Variants in WWOX observed in about 807,000 individuals in gnomAD.
WWOX encodes the protein WW domain containing oxidoreductase, also known as WW domain-containing oxidoreductase.
In WWOX, 69 loss-of-function variants were observed where a neutral mutation model predicts 46.2. The ratio of observed to expected loss-of-function variants is 1.49; its 90% CI spans 1.23 to 1.82. WWOX has a LOEUF of 1.82. Among genes scored for constraint, WWOX ranks in the 40% most tolerant of loss-of-function variants. WWOX has a pLI of 0.00. For missense variants in WWOX, 919 were observed against 542.6 expected (o/e 1.69, Z -6.89); for synonymous variants, 359 against 202.6 (o/e 1.77, Z -6.56).
intron 5 of WWOX, among the ~76,000 whole-genome samples, chr16:78,244,761 G>T (rs1269605271): frequency 6.6e-6 from 1 of 152,120 alleles, no homozygotes; most frequent in Non-Finnish European, 1.5e-5. Context: ...AAGTAGGCGG[G>T]CCCGAAATGT....
intron 5 of WWOX, among the ~76,000 whole-genome samples, chr16:78,187,262 A>T (rs962264256): frequency 5.3e-5 from 8 of 152,190 alleles, no homozygotes; most frequent in South Asian, 2.1e-4. Context: ...AGTTATGCCA[A>T]ACTTTGCAAG....
At chr16:78,752,841 C>T (rs1321555221) in intron 8 of WWOX, among the ~76,000 whole-genome samples, 1 of 152,186 alleles carries the variant, frequency 6.6e-6, no homozygotes, top group Admixed American at 6.5e-5. Flanking sequence ...CCTAGCTGGC[C>T]AGGAATTCCA....
At chr16:78,618,907 C>T (rs138566982) in intron 8 of WWOX, among the ~76,000 whole-genome samples, 75 of 150,956 alleles carry the variant, frequency 5.0e-4, no homozygotes, top group African/African-American at 1.8e-3. Flanking sequence ...AAGTAGGAGG[C>T]CTTGGAGTCA....
intron 6 of WWOX, among the ~76,000 whole-genome samples, chr16:78,387,465 T>C (rs2082083831): frequency 6.6e-6 from 1 of 152,142 alleles, no homozygotes; most frequent in Non-Finnish European, 1.5e-5. Context: ...TTCATCCTTT[T>C]CAGTCTTTCA....
intron 8 of WWOX, among the ~76,000 whole-genome samples, chr16:78,837,773 A>C (rs2052029615): frequency 6.6e-6 from 1 of 152,192 alleles, no homozygotes. Flanking sequence ...CCATCTATCT[A>C]TACTTCCTAG....
rs1307003419 is a variant in WWOX, at chr16:78,709,345, A to G, written c.1056+276593A>G. Among the ~76,000 whole-genome samples the G allele has an allele frequency of 5.3e-5, 8 of 152,194 alleles. No individual in the cohort carries two copies. The East Asian group carries it at 1.2e-3, about 22-fold the overall frequency. On this transcript the variant is annotated intron_variant, in intron 8 of 8. Coordinates refer to ENST00000566780, the MANE Select transcript of WWOX (RefSeq NM_016373.4). ...GTGATCACAGAGAGAAGCTTGTTGG[A>G]GTTGTCTGGCTGAAGGAAAGCCCGC...
At chr16:78,403,869 G>C (rs1157754730) in intron 6 of WWOX, among the ~76,000 whole-genome samples, 1 of 152,198 alleles carries the variant, frequency 6.6e-6, no homozygotes, top group Non-Finnish European at 1.5e-5. Context: ...TTTGAAGGCT[G>C]CATGGACCTT....
intron 8 of WWOX, among the ~76,000 whole-genome samples, chr16:78,941,308 T>C (rs940044469): frequency 6.6e-6 from 1 of 152,060 alleles, no homozygotes; most frequent in African/African-American, 2.4e-5. Context: ...AAAAGGACAT[T>C]AGGGATGTCG....
chr16:79,163,644 C>G lies in WWOX; in HGVS notation c.1057-47964C>G, dbSNP rs61037887. The stretch of plus-strand genomic sequence containing the variant: ...AGAAACGCCATCTCTACTAAACATA[C>G]AAAATTAGCCTGGCATAGTGGTGCA... On this transcript the variant is annotated intron_variant, in intron 8 of 8. Coordinates refer to ENST00000566780, the MANE Select transcript of WWOX (RefSeq NM_016373.4). Among the ~76,000 whole-genome samples, 785 of 151,978 alleles carry G rather than the reference C, an allele frequency of 5.2e-3. 2 individuals are homozygous for G. The highest frequency in any genetic ancestry group is 0.018 in the African/African-American group (756 of 41,440).
chr16:78,914,343 A>G (rs2045190882), intron 8 of WWOX, among the ~76,000 whole-genome samples: 2 of 152,086 alleles, frequency 1.3e-5, no homozygotes, highest in Admixed American at 1.3e-4. Context: ...TTCAGCACTT[A>G]GAACAGTACC....
At chr16:78,472,560 G>A (rs948793950) in intron 8 of WWOX, among the ~76,000 whole-genome samples, 1 of 152,142 alleles carries the variant, frequency 6.6e-6, no homozygotes, top group Non-Finnish European at 1.5e-5. Context: ...TGTAATCCCA[G>A]CACTTTGGAA....
At chr16:78,593,776 C>T (rs1260661812) in intron 8 of WWOX, among the ~76,000 whole-genome samples, 1 of 150,944 alleles carries the variant, frequency 6.6e-6, no homozygotes, top group Non-Finnish European at 1.5e-5. Flanking sequence ...CAAAGAGAAT[C>T]AGAAAGGAGT....
chr16:79,068,540 A>G (rs1224428952), intron 8 of WWOX, among the ~76,000 whole-genome samples: 1 of 152,062 alleles, frequency 6.6e-6, no homozygotes, highest in Non-Finnish European at 1.5e-5. Context: ...ACGGTGGCTC[A>G]TGCCTGTAAT....
chr16:78,702,291 A>G (rs1021564723), intron 8 of WWOX, among the ~76,000 whole-genome samples: 8 of 150,842 alleles, frequency 5.3e-5, no homozygotes, highest in African/African-American at 1.2e-4. Flanking sequence ...AAAATAAAAT[A>G]TAAAATAAAA....
chr16:78,281,943 C>T (rs1310798100), intron 5 of WWOX, among the ~76,000 whole-genome samples: 4 of 152,112 alleles, frequency 2.6e-5, no homozygotes, highest in Admixed American at 1.3e-4. Context: ...AAATTCTCTC[C>T]AAATGGGGCT....
intron 8 of WWOX, among the ~76,000 whole-genome samples, chr16:78,795,196 G>T (rs1361073894): frequency 6.6e-6 from 1 of 152,156 alleles, no homozygotes; most frequent in South Asian, 2.1e-4. Context: ...ATTGTGCTAA[G>T]TGCTTTGCGG....
chr16:78,407,723 T>A (rs577458178), intron 6 of WWOX, among the ~76,000 whole-genome samples: 48 of 152,168 alleles, frequency 3.2e-4, no homozygotes, highest in Non-Finnish European at 5.0e-4. Context: ...AGTGATATAT[T>A]GTGAAACATG....
intron 4 of WWOX, among the ~76,000 whole-genome samples, chr16:78,132,558 A>G (rs564900358): frequency 2.6e-5 from 4 of 152,340 alleles, no homozygotes; most frequent in African/African-American, 9.6e-5. Flanking sequence ...AAGGTCATCC[A>G]GTATCTTGAT....
chr16:78,751,414 A>ATT (rs2049472516), intron 8 of WWOX, among the ~76,000 whole-genome samples: 4 of 143,054 alleles, frequency 2.8e-5, no homozygotes, highest in Non-Finnish European at 6.0e-5. Context: ...AATTTATCAG[A>ATT]TTATATATAT....
Sources: gnomAD v4.1 joint callset for allele counts (sites outside exome capture counted in the v4.1 genomes callset) on GRCh38, gnomAD v4.1.1 for gene constraint, MANE v1.5 for transcripts, NCBI Gene and HGNC (gene_info 2026-07-23, HGNC 2026-07-21) for gene names.